The following RYR1 variants were observed in gnomAD, a reference collection of about 807,000 sequenced individuals.
RYR1 encodes the protein ryanodine receptor 1.
A neutral mutation model predicts 583.5 loss-of-function variants in RYR1; 342 were observed. The observed-to-expected ratio is 0.59, with a 90% CI of 0.54 to 0.64. The LOEUF (loss-of-function observed/expected upper bound fraction) is 0.64. RYR1 is among the 30% of genes least tolerant of loss of function. RYR1 has a pLI of 0.00. For missense variants in RYR1, 6,032 were observed against 6,917.2 expected, an observed-to-expected ratio of 0.87 and a Z score of 4.54; for synonymous variants, 2,791 against 2,822.5, an observed-to-expected ratio of 0.99 and a Z score of 0.35.
At chr19:38,459,421 C>T in intron 19 of RYR1, 83 bp downstream of exon 19, 2 of 1,314,100 alleles carry the variant, frequency 1.5e-6, no homozygotes, top group Admixed American at 3.9e-5. Flanking sequence ...CCATGGTCCC[C>T]CAGGAGGCCA....
chr19:38,488,146 C>T (rs1187070453), intron 34 of RYR1, among the ~76,000 whole-genome samples: 1 of 151,932 alleles, frequency 6.6e-6, no homozygotes, highest in South Asian at 2.1e-4. Context: ...CCTATCCAGC[C>T]ATGTGGCCAA....
At chr19:38,476,166 G>A (rs1352799026) in intron 29 of RYR1, among the ~76,000 whole-genome samples, 1 of 152,046 alleles carries the variant, frequency 6.6e-6, no homozygotes, top group African/African-American at 2.4e-5. Flanking sequence ...GGGATAACAG[G>A]CTCCTGCCAC....
At chr19:38,481,351 T>G (rs943452930) in intron 31 of RYR1, among the ~76,000 whole-genome samples, 10 of 152,138 alleles carry the variant, frequency 6.6e-5, no homozygotes, top group African/African-American at 2.4e-4. Flanking sequence ...AGTCTTGAAC[T>G]CCTGACCTCA....
intron 96 of RYR1, among the ~76,000 whole-genome samples, chr19:38,574,808 G>C (rs1973883151): frequency 6.6e-6 from 1 of 152,156 alleles, no homozygotes; most frequent in Admixed American, 6.6e-5. Flanking sequence ...GGGAGGCCGA[G>C]GCAGGCGGAT....
chr19:38,451,722 G>C (rs1967082452), intron 11 of RYR1, 42 bp from the exon 12 acceptor site: 3 of 1,612,918 alleles, frequency 1.9e-6, no homozygotes, highest in Non-Finnish European at 2.5e-6. Context: ...CATGGCCCTG[G>C]GTGGCTGGGC....
chr19:38,554,984 A>G (rs1972817710), intron 89 of RYR1, among the ~76,000 whole-genome samples: 2 of 152,162 alleles, frequency 1.3e-5, no homozygotes, highest in South Asian at 4.1e-4. Context: ...AGAATTATGA[A>G]GCCATCCCTG....
chr19:38,569,287 G>C (rs755036716), intron 93 of RYR1, among the ~76,000 whole-genome samples: 1 of 152,030 alleles, frequency 6.6e-6, no homozygotes, highest in Non-Finnish European at 1.5e-5. Context: ...GATTACAGGC[G>C]TGAGCCACTG....
intron 27 of RYR1, among the ~76,000 whole-genome samples, chr19:38,472,541 G>C (rs1005748130): frequency 6.6e-6 from 1 of 152,064 alleles, no homozygotes; most frequent in Non-Finnish European, 1.5e-5. Flanking sequence ...ATTCCCATCC[G>C]AAGCAACCAC....
At chr19:38,569,387 G>T (rs1973610059) in intron 93 of RYR1, among the ~76,000 whole-genome samples, 1 of 151,726 alleles carries the variant, frequency 6.6e-6, no homozygotes, top group Admixed American at 6.6e-5. Context: ...ACCCAGAGTA[G>T]CCAAAAATGT....
chr19:38,475,919 G>A (rs1187082318), intron 29 of RYR1, among the ~76,000 whole-genome samples: 3 of 152,240 alleles, frequency 2.0e-5, no homozygotes, highest in African/African-American at 4.8e-5. Context: ...TGGCACCAGG[G>A]ATCAATTTTG....
Position 38,467,648 on chromosome 19 carries a change from A to G in RYR1, c.3217A>G (p.Ile1073Val), listed in dbSNP as rs781092447. ...ENQSRCDRVRIFRAEKSYTVQ... is the reference protein window; with the variant it reads ...ENQSRCDRVRVFRAEKSYTVQ... ...CCAGTCTCGTTGTGACCGGGTGCGC[A>G]TCTTCCGGGCAGAGAAATCCTATAC... The change falls in exon 25 of 106, where the codon ATC becomes GTC. Residue 1073 changes from isoleucine (I) to valine (V), a missense_variant. Physicochemically the swap from Ile to Val is conservative, Grantham distance 29 (BLOSUM62 3). Around this residue, in one of 11 missense-constraint regions of RYR1, gnomAD observed 2,627 missense variants for 2,961.3 expected, o/e 0.89. Coordinates refer to ENST00000359596, the MANE Select transcript of RYR1 (RefSeq NM_000540.3). 9 of 1,614,094 alleles carry G rather than the reference A, an allele frequency of 5.6e-6. No individual in the cohort carries two copies. Among genetic ancestry groups the G allele is most frequent in the Non-Finnish European group, 7.6e-6 (9 of 1,180,046 alleles).
chr19:38,580,530 G>T, intron 101 of RYR1, 26 bp downstream of exon 101: 2 of 1,613,774 alleles, frequency 1.2e-6, no homozygotes, highest in South Asian at 2.2e-5. Context: ...AGCACTCTGG[G>T]ACCCTTCCTT....
intron 60 of RYR1, 47 bp from the exon 61 acceptor site, chr19:38,511,514 C>T: frequency 6.2e-7 from 1 of 1,607,078 alleles, no homozygotes; most frequent in East Asian, 2.2e-5. Context: ...TCCTTGGCCT[C>T]CTCACTCGCT....
At chr19:38,480,115 C>G (rs901734067) in intron 31 of RYR1, among the ~76,000 whole-genome samples, 6 of 152,016 alleles carry the variant, frequency 3.9e-5, no homozygotes, top group African/African-American at 9.7e-5. Context: ...AACTGTCACC[C>G]ACTCACAGCC....
chr19:38,580,360 C>T lies in RYR1; in HGVS notation c.14512-10C>T, dbSNP rs776781628. The T allele has an allele frequency of 8.7e-6, 14 of 1,613,780 alleles. No homozygotes were observed. In the South Asian group the frequency reaches 1.4e-4, roughly 16 times the overall value. ...AGGGCGGAGCTGACCTGGCCCCATC[C>T]TGCCCCCAGCTGGTGATGACCGTGG... is the stretch of plus-strand genomic sequence containing the variant. On this transcript the variant is annotated splice_polypyrimidine_tract_variant and intron_variant, in intron 100 of 105. Transcript: ENST00000359596.
rs1969804060 is a variant in RYR1 at position 38,496,039 on chromosome 19, A to C, written c.6549-176A>C. On this transcript the variant is annotated intron_variant, in intron 39 of 105. Transcript: ENST00000359596. The surrounding 1 kb of genome is among the most constrained non-coding windows in gnomAD (Gnocchi z 4.8). ...CGGCCTCCCAAAGTGCTGGGATTAC[A>C]CGCATGAGCCACCGCACCCGGCCAG... Among the ~76,000 whole-genome samples, 2 of 152,204 alleles carry C rather than the reference A, an allele frequency of 1.3e-5. No homozygotes were observed. The highest frequency in any genetic ancestry group is 2.9e-5 in the Non-Finnish European group (2 of 68,038).
chr19:38,516,570 A>C (rs115308402), intron 65 of RYR1, among the ~76,000 whole-genome samples: 7,020 of 152,166 alleles, frequency 0.046, 194 homozygotes, highest in African/African-American at 0.068. Context: ...TTCAAGACCA[A>C]CCTGGGCAAC....
intron 30 of RYR1, 60 bp from the exon 31 acceptor site, chr19:38,478,375 G>A: frequency 6.3e-7 from 1 of 1,584,216 alleles, no homozygotes; most frequent in Non-Finnish European, 8.6e-7. Context: ...GGGGAAGGGG[G>A]TGTCCAGGGT....
chr19:38,517,259 G>A, intron 65 of RYR1, 100 bp from the exon 66 acceptor site: 3 of 1,192,142 alleles, frequency 2.5e-6, no homozygotes, highest in Non-Finnish European at 3.6e-6. Flanking sequence ...TTTAAGGGGG[G>A]TGGCAATTCA....
Sources: gnomAD v4.1 joint callset for allele counts (sites outside exome capture counted in the v4.1 genomes callset) on GRCh38, gnomAD v4.1.1 for gene constraint, gnomAD v4.1.1 regional missense constraint, Gnocchi (gnomAD v3.1) non-coding constraint, MANE v1.5 for transcripts, NCBI Gene and HGNC (gene_info 2026-07-23, HGNC 2026-07-21) for gene names.